LHCGR: variants seen among roughly 807,000 people sequenced by gnomAD.
The protein encoded by LHCGR is lutropin-choriogonadotropic hormone receptor.
LHCGR carries 55 observed loss-of-function variants against 60.7 expected under a neutral mutation model. The observed-to-expected ratio is 0.91, with a 90% CI of 0.73 to 1.13. LHCGR has a LOEUF of 1.13. Ranked by LOEUF, LHCGR falls within the 50% of genes most tolerant of loss-of-function variation. The probability of loss-of-function intolerance (pLI) is 0.00; values close to 1 mark genes in which losing one functional copy is unlikely to be tolerated. For missense variants in LHCGR, 862 were observed against 836.0 expected, an observed-to-expected ratio of 1.03 and a Z score of -0.38; for synonymous variants, 337 against 316.5, an observed-to-expected ratio of 1.06 and a Z score of -0.69.
intron 9 of LHCGR, among the ~76,000 whole-genome samples, 177 bp downstream of exon 9, chr2:48,698,438 C>A (rs907353387): frequency 6.6e-6 from 1 of 152,208 alleles, no homozygotes; most frequent in Non-Finnish European, 1.5e-5. Context: ...TAGCAGTTTC[C>A]ACAAGGAAAC....
intron 1 of LHCGR, among the ~76,000 whole-genome samples, chr2:48,742,152 T>C (rs1669486991): frequency 6.6e-6 from 1 of 151,848 alleles, no homozygotes; most frequent in African/African-American, 2.4e-5. Flanking sequence ...CTATCCTAAA[T>C]ATATATGGAC....
intron 4 of LHCGR, among the ~76,000 whole-genome samples, chr2:48,724,978 G>A (rs189005045): frequency 7.2e-5 from 11 of 152,244 alleles, no homozygotes; most frequent in Non-Finnish European, 4.4e-5. Flanking sequence ...AGAAAAAAGA[G>A]GGATGTCTGT....
At chr2:48,702,769 T>C (rs573359460) in intron 8 of LHCGR, among the ~76,000 whole-genome samples, 1 of 152,226 alleles carries the variant, frequency 6.6e-6, no homozygotes, top group Non-Finnish European at 1.5e-5. Flanking sequence ...AATAGTACAA[T>C]CCTTTGGGTA....
chr2:48,717,186 C>A (rs1668286905), intron 6 of LHCGR, among the ~76,000 whole-genome samples: 1 of 152,156 alleles, frequency 6.6e-6, no homozygotes, highest in African/African-American at 2.4e-5. Flanking sequence ...TTGTTTTCAC[C>A]AAAGCTGCTA....
chr2:48,713,185 G>C (rs1410332982), intron 7 of LHCGR, among the ~76,000 whole-genome samples: 1 of 151,678 alleles, frequency 6.6e-6, no homozygotes, highest in Non-Finnish European at 1.5e-5. Context: ...AATTTGAGAA[G>C]CATTAGTATA....
intron 1 of LHCGR, among the ~76,000 whole-genome samples, chr2:48,735,110 G>A (rs1460336385): frequency 6.6e-6 from 1 of 152,212 alleles, no homozygotes. Flanking sequence ...TGAAACAAAT[G>A]CTTCAATTGG....
chr2:48,722,193 C>T (rs541927953), intron 6 of LHCGR, among the ~76,000 whole-genome samples: 7 of 152,202 alleles, frequency 4.6e-5, no homozygotes, highest in African/African-American at 7.2e-5. Flanking sequence ...CTGAATGGTA[C>T]GGCAGTGGAG....
At position 48,688,652 on chromosome 2, in the gene LHCGR, A is replaced by C; in HGVS notation, c.1145T>G (p.Phe382Cys). ...LAIMGNMTVL[F>C]VLLTSRYKLT... Reference sequence around the variant, plus strand: ...TTTGTAACGACTTGTCAGGAGAACAAAAAGAACAGTCATGTTTCCCATGAT... The same window carrying C: ...TTTGTAACGACTTGTCAGGAGAACACAAAGAACAGTCATGTTTCCCATGAT... The change falls in exon 11 of 11, where the codon TTT (phenylalanine) becomes TGT (cysteine). Residue 382 changes from phenylalanine to cysteine, a missense_variant. Transcript: ENST00000294954. The surrounding 1 kb of genome is among the most constrained non-coding windows in gnomAD (Gnocchi z 5.2). The C allele has an allele frequency of 6.2e-7, 1 of 1,614,216 alleles. No homozygotes were observed.
intron 6 of LHCGR, chr2:48,721,662 A>G (rs984676179): frequency 2.1e-6 from 1 of 470,534 alleles, no homozygotes; most frequent in Middle Eastern, 3.3e-4. Flanking sequence ...GTCCTCTGAG[A>G]TGATCTCTTC....
Position 48,741,870 on chromosome 2 carries a change from T to A in LHCGR, c.162-10572A>T, listed in dbSNP as rs1297423528. Among the ~76,000 whole-genome samples, 5 of 151,054 alleles carry A rather than the reference T, an allele frequency of 3.3e-5. No homozygotes were observed. The South Asian group carries it at 6.3e-4, about 19-fold the overall frequency. ...TAACTTTAAATGTAAATGGACTAAA[T>A]GCTCCAATTAAAAGACACAGACTGG... On this transcript the variant is annotated intron_variant, in intron 1 of 10. Coordinates refer to ENST00000294954, the MANE Select transcript of LHCGR (RefSeq NM_000233.4).
intron 1 of LHCGR, among the ~76,000 whole-genome samples, chr2:48,743,507 G>C (rs1235941244): frequency 6.6e-6 from 1 of 152,128 alleles, no homozygotes; most frequent in African/African-American, 2.4e-5. Context: ...GATCAAGTGG[G>C]CTTCATCCCT....
Position 48,729,376 on chromosome 2 carries a change from C to G in LHCGR, c.234-149G>C, listed in dbSNP as rs1668887095. 3 of 699,242 alleles carry G rather than the reference C, an allele frequency of 4.3e-6. No individual in the cohort carries two copies. The East Asian group carries it at 8.1e-5, about 19-fold the overall frequency. The allele number at this position is 699,242 out of a possible 1,614,324, so 43.3% of individuals were successfully genotyped here. ...AAAGATGTGCAAGTTGTCCCCAAAT[C>G]ATACAGTGCTAACATCTCCCTTTAG... On this transcript the variant is annotated intron_variant, in intron 2 of 10. Transcript: ENST00000294954.
chr2:48,736,414 A>G (rs897283987), intron 1 of LHCGR, among the ~76,000 whole-genome samples: 1 of 152,208 alleles, frequency 6.6e-6, no homozygotes, highest in Non-Finnish European at 1.5e-5. Context: ...CCAAGCACTC[A>G]GTGCAGCTGT....
chr2:48,742,279 T>G (rs1384012683), intron 1 of LHCGR, among the ~76,000 whole-genome samples: 1 of 152,120 alleles, frequency 6.6e-6, no homozygotes, highest in African/African-American at 2.4e-5. Flanking sequence ...ATTAGACAGA[T>G]CAATGAGACA....
chr2:48,744,823 A>G (rs1014932462), intron 1 of LHCGR, among the ~76,000 whole-genome samples: 2 of 151,862 alleles, frequency 1.3e-5, no homozygotes, highest in Admixed American at 6.6e-5. Context: ...AGCAATGGCA[A>G]CAAAAGCCAA....
intron 1 of LHCGR, among the ~76,000 whole-genome samples, chr2:48,743,042 C>T (rs1293829599): frequency 2.0e-5 from 3 of 152,172 alleles, no homozygotes; most frequent in African/African-American, 7.2e-5. Context: ...ATACAAACTA[C>T]CATCAGAGAA....
intron 1 of LHCGR, among the ~76,000 whole-genome samples, chr2:48,736,271 T>C (rs1474888113): frequency 6.6e-6 from 1 of 152,102 alleles, no homozygotes; most frequent in Non-Finnish European, 1.5e-5. Context: ...GACTGGACAA[T>C]GTATAGAATA....
Position 48,694,287 on chromosome 2 carries a change from GA to G in LHCGR, c.883del (p.Ser295ProfsTer14). ...TTGTTTGGAAAAGTTTTCAGAAATG[GA>G]ATGTGAAAAATTCTGTCTGAAAGAG... is the stretch of plus-strand genomic sequence containing the variant. Reference protein sequence around the residue: ...LPTKEQNFSHSISENFSKQCE... With the variant: ...LPTKEQNFSHXISENFSKQCE... On this transcript the variant is annotated frameshift_variant, in exon 10 of 11. Coordinates refer to ENST00000294954, the MANE Select transcript of LHCGR (RefSeq NM_000233.4). LOFTEE classifies it high-confidence loss of function. 6.3e-7 allele frequency: 1 copy of G among 1,599,136 alleles called. No individual in the cohort carries two copies. The highest frequency in any genetic ancestry group is 1.1e-5 in the South Asian group (1 of 89,686).
intron 1 of LHCGR, among the ~76,000 whole-genome samples, chr2:48,739,113 T>C (rs1340449625): frequency 6.6e-6 from 1 of 152,206 alleles, no homozygotes; most frequent in Non-Finnish European, 1.5e-5. Flanking sequence ...CACAATGAGA[T>C]ACCATCTCAT....
Sources: allele counts gnomAD v4.1 joint callset (sites outside exome capture counted in the v4.1 genomes callset), GRCh38; gene constraint gnomAD v4.1.1; non-coding constraint Gnocchi (gnomAD v3.1); transcripts MANE v1.5; gene names NCBI Gene and HGNC (gene_info 2026-07-23, HGNC 2026-07-21).